Variants in GRM5 observed in about 807,000 individuals in gnomAD.
GRM5 encodes metabotropic glutamate receptor 5.
A neutral mutation model predicts 83.1 loss-of-function variants in GRM5; 19 were observed. That is an observed-to-expected ratio of 0.23 (90% confidence interval 0.16 to 0.34). The LOEUF is 0.34. Among genes scored for constraint, GRM5 ranks in the 10% least tolerant of loss-of-function variants. The pLI is 1.00. For synonymous variants in GRM5, 675 were observed against 633.6 expected (o/e 1.07, Z -0.98); for missense variants, 1,160 against 1,588.3 (o/e 0.73, Z 4.58).
intron 2 of GRM5, among the ~76,000 whole-genome samples, chr11:88,969,804 A>G (rs1325294043): frequency 3.3e-5 from 5 of 152,136 alleles, no homozygotes; most frequent in African/African-American, 4.8e-5. Context: ...GTGCACAGAA[A>G]GAAATTCAGC....
At chr11:88,720,811 T>TGTGTGC (rs1555001342) in intron 3 of GRM5, among the ~76,000 whole-genome samples, 15 of 131,878 alleles carry the variant, frequency 1.1e-4, no homozygotes, top group Admixed American at 8.8e-4. Flanking sequence ...TGTGTGTGTG[T>TGTGTGC]GTGTGTGTGC....
At chr11:88,852,879 T>C (rs538932885) in intron 2 of GRM5, among the ~76,000 whole-genome samples, 2 of 152,194 alleles carry the variant, frequency 1.3e-5, no homozygotes, top group African/African-American at 2.4e-5. Flanking sequence ...TCTATAATTA[T>C]ACATTTTAAA....
At chr11:88,589,234 ACTGTGTGT>A (rs889890682) in intron 7 of GRM5, among the ~76,000 whole-genome samples, 8 of 152,134 alleles carry the variant, frequency 5.3e-5, no homozygotes, top group Admixed American at 3.9e-4. Context: ...TGGCATTTTT[ACTGTGTGT>A]GTGCACACAG....
chr11:88,927,286 C>A (rs1447070163), intron 2 of GRM5, among the ~76,000 whole-genome samples: 1 of 152,056 alleles, frequency 6.6e-6, no homozygotes, highest in African/African-American at 2.4e-5. Flanking sequence ...AAATTAAAGC[C>A]TTTGGAATGT....
At position 88,702,294 on chromosome 11, in the gene GRM5, A is replaced by C. The variant is rs189176087; in HGVS notation, c.912-48891T>G. On this transcript the variant is annotated intron_variant, in intron 3 of 9. Coordinates refer to ENST00000305447, the MANE Select transcript of GRM5 (RefSeq NM_001143831.3). ...TACAGAGGTACAAAAAGGAATAAAT[A>C]CCTCAAACTGGGCCTACCCTGAAAG... Among the ~76,000 whole-genome samples, 266 of 152,182 alleles carry C rather than the reference A, an allele frequency of 1.7e-3. 4 individuals carry two copies. The highest frequency in any genetic ancestry group is 2.4e-4 in the Non-Finnish European group (16 of 67,988).
At chr11:88,581,938 A>G (rs7944148) in intron 7 of GRM5, among the ~76,000 whole-genome samples, 26,387 of 152,072 alleles carry the variant, frequency 0.17, 3,210 homozygotes, top group African/African-American at 0.35. Context: ...ATTTTCACAT[A>G]CATGAATTCC....
rs116961571 is a variant in GRM5, at chr11:88,635,026, G to A, written c.1147+18142C>T. Among the ~76,000 whole-genome samples, 894 of 152,220 alleles carry A rather than the reference G, an allele frequency of 5.9e-3. 12 individuals are homozygous for A. The East Asian group carries it at 0.065, about 11-fold the overall frequency. On this transcript the variant is annotated intron_variant, in intron 4 of 9. Coordinates refer to ENST00000305447, the MANE Select transcript of GRM5 (RefSeq NM_001143831.3). ...AGACTGAATTTTGGTGGGGAGGAAG[G>A]GCACGTGGATATAAAAATTTTTCAG...
intron 4 of GRM5, among the ~76,000 whole-genome samples, chr11:88,652,754 A>G (rs1939664374): frequency 6.6e-6 from 1 of 152,054 alleles, no homozygotes; most frequent in Non-Finnish European, 1.5e-5. Context: ...TTCAACACTC[A>G]TGTATTCATT....
chr11:88,818,136 G>T (rs973201945), intron 3 of GRM5, among the ~76,000 whole-genome samples: 2 of 151,846 alleles, frequency 1.3e-5, no homozygotes, highest in African/African-American at 2.4e-5. Context: ...TATAAAAAAA[G>T]AAAAAATAAA....
At chr11:88,709,483 C>T (rs909882481) in intron 3 of GRM5, among the ~76,000 whole-genome samples, 2 of 151,994 alleles carry the variant, frequency 1.3e-5, no homozygotes, top group African/African-American at 4.8e-5. Context: ...AGAAAGTAGG[C>T]AACTACACTG....
intron 8 of GRM5, among the ~76,000 whole-genome samples, chr11:88,538,255 C>T (rs1472489289): frequency 6.6e-6 from 1 of 152,132 alleles, no homozygotes; most frequent in African/African-American, 2.4e-5. Context: ...GTATTTTAAT[C>T]CTACTTATGA....
chr11:88,524,897 A>C (rs539137534), intron 9 of GRM5, among the ~76,000 whole-genome samples: 250 of 152,318 alleles, frequency 1.6e-3, no homozygotes, highest in Admixed American at 2.9e-3. Context: ...GTCTTCCTTC[A>C]ATAGTAATCC....
intron 3 of GRM5, among the ~76,000 whole-genome samples, chr11:88,693,963 T>A (rs1565189619): frequency 1.3e-5 from 2 of 152,162 alleles, no homozygotes; most frequent in African/African-American, 4.8e-5. Flanking sequence ...CAGAAAAATG[T>A]CATGATTAAG....
chr11:89,047,516 A>G lies in GRM5; in HGVS notation c.357T>C (p.Ser119=). Residue 119 remains serine (S), a synonymous_variant, in exon 2 of 10, where the codon TCT becomes TCC. Coordinates refer to ENST00000305447, the MANE Select transcript of GRM5 (RefSeq NM_001143831.3). This position sits in a 1 kb window ranked among gnomAD's most constrained non-coding sequence, Gnocchi z 5.1. ...GTACCAAGCCTTCTTCCTCTTCTGA[A>G]GAAATGAGGGAATCTCTTATGAACT... ...SIEFIRDSLI[S]SEEEEGLVRC... is the part of the protein sequence containing the mutation. The G allele has an allele frequency of 6.2e-7, 1 of 1,614,210 alleles. No individual in the cohort carries two copies. Among genetic ancestry groups the G allele is most frequent in the Non-Finnish European group, 8.5e-7 (1 of 1,180,036 alleles).
At chr11:88,951,751 T>A (rs1049527135) in intron 2 of GRM5, among the ~76,000 whole-genome samples, 2 of 152,248 alleles carry the variant, frequency 1.3e-5, no homozygotes, top group African/African-American at 4.8e-5. Flanking sequence ...ATATTTTAAG[T>A]ACAATTGTTG....
At chr11:88,547,764 G>A (rs749644281) in intron 8 of GRM5, among the ~76,000 whole-genome samples, 2 of 152,100 alleles carry the variant, frequency 1.3e-5, no homozygotes, top group South Asian at 4.2e-4. Context: ...GGGCATACAG[G>A]CTCAAATTAT....
At chr11:88,937,290 A>T (rs1439901744) in intron 2 of GRM5, among the ~76,000 whole-genome samples, 1 of 151,806 alleles carries the variant, frequency 6.6e-6, no homozygotes, top group Non-Finnish European at 1.5e-5. Context: ...AAATGATATT[A>T]GTAATGATAT....
chr11:88,989,584 A>C (rs1240901757), intron 2 of GRM5, among the ~76,000 whole-genome samples: 1 of 138,892 alleles, frequency 7.2e-6, no homozygotes. Flanking sequence ...CACCACACCT[A>C]TTCCAAAATT....
chr11:89,025,423 A>G (rs7121916), intron 2 of GRM5, among the ~76,000 whole-genome samples: 11,976 of 152,132 alleles, frequency 0.079, 1,121 homozygotes, highest in African/African-American at 0.23. Flanking sequence ...GTTAATGCAG[A>G]CATAAGGAGA....
Sources: gnomAD v4.1 joint callset for allele counts (sites outside exome capture counted in the v4.1 genomes callset) on GRCh38, gnomAD v4.1.1 for gene constraint, Gnocchi (gnomAD v3.1) non-coding constraint, MANE v1.5 for transcripts, NCBI Gene and HGNC (gene_info 2026-07-23, HGNC 2026-07-21) for gene names.